The following NTM variants were observed in gnomAD, a reference collection of about 807,000 sequenced individuals.
NTM encodes IgLON family member 2.
A neutral mutation model predicts 42.1 loss-of-function variants in NTM; 13 were observed. That is an observed-to-expected ratio of 0.31 (90% CI 0.20 to 0.49). The LOEUF (loss-of-function observed/expected upper bound fraction) is 0.49. Ranked by LOEUF, NTM falls within the 20% of genes least tolerant of loss-of-function variation. The probability of loss-of-function intolerance (pLI) is 0.99; values close to 1 mark genes in which losing one functional copy is unlikely to be tolerated. For missense variants in NTM, 373 were observed against 452.8 expected, an observed-to-expected ratio of 0.82 and a Z score of 1.60; for synonymous variants, 187 against 179.2, an observed-to-expected ratio of 1.04 and a Z score of -0.35.
intron 3 of NTM, among the ~76,000 whole-genome samples, chr11:132,175,916 AT>A (rs549325716): frequency 1.3e-5 from 2 of 151,658 alleles, no homozygotes; most frequent in South Asian, 2.1e-4. Context: ...CATTCTTTAC[AT>A]TTTTTTTGTA....
intron 2 of NTM, among the ~76,000 whole-genome samples, chr11:132,118,298 G>A (rs1461062666): frequency 6.6e-6 from 1 of 152,058 alleles, no homozygotes; most frequent in African/African-American, 2.4e-5. Flanking sequence ...CACAAGGCTT[G>A]TCTAGAAAGC....
intron 1 of NTM, chr11:131,796,299 T>C: frequency 2.2e-6 from 1 of 458,210 alleles, no homozygotes; most frequent in Non-Finnish European, 2.9e-6. Flanking sequence ...GCTGTGCTGG[T>C]GTCTCAGGAG....
In NTM at chr11:131,846,203, C is replaced by G. The variant is rs1362942514; in HGVS notation, c.83-65361C>G. On this transcript the variant is annotated intron_variant, in intron 1 of 8. Transcript: ENST00000683400. ...ACTCTGCTGAATTTATTACTATATA[C>G]CAATTTGTTGTATCCCTATTATTGC... Among the ~76,000 whole-genome samples the G allele has an allele frequency of 2.6e-5, 4 of 152,208 alleles. No individual in the cohort carries two copies. The East Asian group carries it at 7.7e-4, about 29-fold the overall frequency.
At chr11:131,565,681 T>C (rs1302256348) in intron 1 of NTM, among the ~76,000 whole-genome samples, 2 of 152,200 alleles carry the variant, frequency 1.3e-5, no homozygotes, top group Admixed American at 1.3e-4. Context: ...TATCATACAT[T>C]TGAGCCATTC....
intron 1 of NTM, among the ~76,000 whole-genome samples, chr11:131,525,316 C>T (rs529163086): frequency 8.5e-5 from 13 of 152,282 alleles, no homozygotes; most frequent in East Asian, 1.9e-4. Flanking sequence ...GCTTATAATG[C>T]GCCGGAAATC....
intron 2 of NTM, among the ~76,000 whole-genome samples, chr11:132,062,649 C>G (rs2080856964): frequency 6.6e-6 from 1 of 152,128 alleles, no homozygotes; most frequent in Admixed American, 6.5e-5. Flanking sequence ...TTCTTGTAAT[C>G]AGACAGGATG....
At chr11:132,205,352 A>G (rs2081831329) in intron 3 of NTM, among the ~76,000 whole-genome samples, 1 of 152,222 alleles carries the variant, frequency 6.6e-6, no homozygotes, top group South Asian at 2.1e-4. Flanking sequence ...GCAAATTGCT[A>G]TTTATTAATG....
chr11:131,536,486 T>C (rs1028175039), intron 1 of NTM: 2 of 152,198 alleles, frequency 1.3e-5, no homozygotes, highest in Non-Finnish European at 2.9e-5. Context: ...GAAGATAAAC[T>C]AAAGTTTTTA....
intron 2 of NTM, among the ~76,000 whole-genome samples, chr11:132,056,886 G>A (rs1402344123): frequency 3.3e-5 from 5 of 152,144 alleles, no homozygotes; most frequent in Non-Finnish European, 7.4e-5. Flanking sequence ...GCCTAGCCTT[G>A]TGTGTCGCCT....
At chr11:132,056,836 C>T (rs773770907) in intron 2 of NTM, among the ~76,000 whole-genome samples, 5 of 152,174 alleles carry the variant, frequency 3.3e-5, no homozygotes, top group East Asian at 1.9e-4. Flanking sequence ...GTCCACAAAT[C>T]CCCCAGTGCA....
At chr11:131,611,072 G>A (rs770292345) in intron 1 of NTM, among the ~76,000 whole-genome samples, 12 of 152,054 alleles carry the variant, frequency 7.9e-5, no homozygotes, top group African/African-American at 1.2e-4. Flanking sequence ...GGAAAGAGGC[G>A]TGGAGGAGGG....
At chr11:132,273,463 C>A (rs2093588969) in intron 4 of NTM, among the ~76,000 whole-genome samples, 1 of 151,858 alleles carries the variant, frequency 6.6e-6, no homozygotes, top group African/African-American at 2.4e-5. Flanking sequence ...GTATCCTCTA[C>A]TATTTTTAAA....
intron 1 of NTM, among the ~76,000 whole-genome samples, chr11:131,721,301 T>C (rs2078300360): frequency 6.6e-6 from 1 of 152,138 alleles, no homozygotes; most frequent in Admixed American, 6.5e-5. Flanking sequence ...ACAATTGCTT[T>C]GGTGTCAAGA....
At chr11:131,996,442 A>T (rs143768463) in intron 2 of NTM, among the ~76,000 whole-genome samples, 1 of 152,124 alleles carries the variant, frequency 6.6e-6, no homozygotes, top group Non-Finnish European at 1.5e-5. Flanking sequence ...ATCGCCTGCC[A>T]CTGTGCAGTT....
chr11:132,042,325 G>A (rs2077313362), intron 2 of NTM, among the ~76,000 whole-genome samples: 1 of 152,144 alleles, frequency 6.6e-6, no homozygotes, highest in African/African-American at 2.4e-5. Context: ...TATGGCTACT[G>A]GGACTGGAAA....
At chr11:131,802,593 T>C (rs1168893080) in intron 1 of NTM, among the ~76,000 whole-genome samples, 1 of 152,062 alleles carries the variant, frequency 6.6e-6, no homozygotes, top group Non-Finnish European at 1.5e-5. Flanking sequence ...GTTAGGGCCG[T>C]GAGGGTGTGT....
At chr11:132,260,893 C>T (rs117040111) in intron 4 of NTM, among the ~76,000 whole-genome samples, 2,067 of 152,274 alleles carry the variant, frequency 0.014, 46 homozygotes, top group Non-Finnish European at 0.018. Flanking sequence ...AGGCATCTCG[C>T]CTTGTTTTCT....
At chr11:132,059,546 T>A (rs11222893) in intron 2 of NTM, among the ~76,000 whole-genome samples, 8,883 of 152,200 alleles carry the variant, frequency 0.058, 304 homozygotes, top group South Asian at 0.17. Context: ...AAGTGTGTGG[T>A]ACCGGCTGAA....
intron 1 of NTM, among the ~76,000 whole-genome samples, chr11:131,409,959 G>A (rs1310615448): frequency 1.3e-5 from 2 of 152,132 alleles, no homozygotes; most frequent in Non-Finnish European, 2.9e-5. Flanking sequence ...AAAAAGCAAG[G>A]AAGATGCAGG....
Sources: gnomAD v4.1 joint callset for allele counts (sites outside exome capture counted in the v4.1 genomes callset) on GRCh38, gnomAD v4.1.1 for gene constraint, MANE v1.5 for transcripts, NCBI Gene and HGNC (gene_info 2026-07-23, HGNC 2026-07-21) for gene names.